C11orf65: variants seen among roughly 807,000 people sequenced by gnomAD.
C11orf65 encodes the protein chromosome 11 open reading frame 65.
C11orf65 carries 38 observed loss-of-function variants against 35.3 expected under a neutral mutation model. The observed-to-expected ratio is 1.08, with a 90% CI of 0.83 to 1.41. The LOEUF is 1.41. C11orf65 is among the 40% of genes most tolerant of loss of function. C11orf65 has a pLI of 0.00. For synonymous variants in C11orf65, 105 were observed against 114.4 expected, an observed-to-expected ratio of 0.92 and a Z score of 0.53; for missense variants, 370 against 367.1, an observed-to-expected ratio of 1.01 and a Z score of -0.06.
At chr11:108,451,687 T>C (rs1402217488) in intron 2 of C11orf65, among the ~76,000 whole-genome samples, 1 of 152,140 alleles carries the variant, frequency 6.6e-6, no homozygotes, top group African/African-American at 2.4e-5. Context: ...AAAAAGAGCC[T>C]GCATTGCCAA....
intron 3 of C11orf65, among the ~76,000 whole-genome samples, chr11:108,411,864 G>A (rs574973716): frequency 1.3e-5 from 2 of 150,448 alleles, no homozygotes; most frequent in African/African-American, 2.4e-5. Context: ...CTCAGCTCAC[G>A]CAACCTCCAC....
At chr11:108,345,665 A>C in intron 2 of C11orf65, 1 of 1,217,012 alleles carries the variant, frequency 8.2e-7, no homozygotes, top group Non-Finnish European at 1.1e-6. Flanking sequence ...TATCTGTCAT[A>C]TTTTTATATA....
At chr11:108,377,667 A>G (rs1315358183) in intron 2 of C11orf65, among the ~76,000 whole-genome samples, 1 of 151,368 alleles carries the variant, frequency 6.6e-6, no homozygotes, top group East Asian at 1.9e-4. Flanking sequence ...AGGGTATTCA[A>G]TTAGGAAAAG....
upstream of C11orf65, among the ~76,000 whole-genome samples, chr11:108,469,035 G>A (rs556488997): frequency 1.3e-5 from 2 of 152,030 alleles, no homozygotes; most frequent in East Asian, 3.9e-4. Flanking sequence ...TAGTAGAGAC[G>A]GGGTTTTACT....
At chr11:108,387,152 T>TTC (rs2092029271) in intron 7 of C11orf65, among the ~76,000 whole-genome samples, 1 of 129,248 alleles carries the variant, frequency 7.7e-6, no homozygotes, top group East Asian at 2.1e-4. Context: ...TTCTTTCTTT[T>TTC]TTTTTTTTTT....
At chr11:108,392,240 T>C (rs931388069) in intron 7 of C11orf65, among the ~76,000 whole-genome samples, 1 of 151,770 alleles carries the variant, frequency 6.6e-6, no homozygotes, top group Non-Finnish European at 1.5e-5. Context: ...AGAGATGGGG[T>C]CTCGCTATGT....
chr11:108,423,449 A>T (rs2092850773), intron 3 of C11orf65, among the ~76,000 whole-genome samples: 1 of 152,170 alleles, frequency 6.6e-6, no homozygotes, highest in South Asian at 2.1e-4. Context: ...CCCCTCACAG[A>T]GCACCTGGGG....
At chr11:108,468,317 C>G (rs17618313), upstream of C11orf65, among the ~76,000 whole-genome samples, 2 of 152,328 alleles carry the variant, frequency 1.3e-5, no homozygotes, top group East Asian at 3.9e-4. Context: ...CAGACGACCT[C>G]TTGAATGAGT....
chr11:108,369,221 A>G (rs1480666084), intron 2 of C11orf65: 3 of 154,128 alleles, frequency 1.9e-5, no homozygotes, highest in Non-Finnish European at 2.9e-5. Context: ...AAAGCTCCCA[A>G]TCTGAGGAGG....
intron 7 of C11orf65, among the ~76,000 whole-genome samples, chr11:108,392,335 C>A (rs1353752481): frequency 6.6e-6 from 1 of 152,138 alleles, no homozygotes; most frequent in African/African-American, 2.4e-5. Flanking sequence ...AGCCACCATG[C>A]CCAGCCCACT....
chr11:108,386,908 C>T (rs1433767009), intron 7 of C11orf65, among the ~76,000 whole-genome samples: 5 of 151,736 alleles, frequency 3.3e-5, no homozygotes, highest in Non-Finnish European at 4.4e-5. Context: ...GGTGAAACCC[C>T]ATCTCTACTA....
chr11:108,430,860 TAAAAC>T (rs998881180), intron 3 of C11orf65, among the ~76,000 whole-genome samples: 1 of 116,764 alleles, frequency 8.6e-6, no homozygotes, highest in African/African-American at 3.2e-5. Context: ...AATAAATAAA[TAAAAC>T]AAAAAAAAAC....
intron 2 of C11orf65, among the ~76,000 whole-genome samples, chr11:108,339,916 A>G (rs1361474818): frequency 2.0e-5 from 3 of 152,176 alleles, no homozygotes; most frequent in African/African-American, 4.8e-5. Flanking sequence ...GGGAAATCAG[A>G]AAGGCCATGA....
intron 2 of C11orf65, among the ~76,000 whole-genome samples, chr11:108,460,612 T>C (rs1016362700): frequency 1.3e-5 from 2 of 152,230 alleles, no homozygotes; most frequent in Non-Finnish European, 2.9e-5. Flanking sequence ...ATCTTATTAA[T>C]GATACTTTCA....
chr11:108,368,803 G>A (rs956622250), intron 2 of C11orf65: 1 of 206,892 alleles, frequency 4.8e-6, no homozygotes, highest in Non-Finnish European at 9.9e-6. Flanking sequence ...CAAACTCTTG[G>A]TCATTATAGT....
At chr11:108,351,253 T>C (rs2089167868) in intron 2 of C11orf65, among the ~76,000 whole-genome samples, 1 of 152,162 alleles carries the variant, frequency 6.6e-6, no homozygotes, top group Non-Finnish European at 1.5e-5. Context: ...AAAGAGGTGA[T>C]TAGTGACTGG....
At chr11:108,363,602 A>G (rs1052310676) in intron 2 of C11orf65, among the ~76,000 whole-genome samples, 1 of 152,122 alleles carries the variant, frequency 6.6e-6, no homozygotes, top group African/African-American at 2.4e-5. Flanking sequence ...GCTGCTGAAC[A>G]CCTCAGAATG....
chr11:108,459,353 C>T (rs1452096473), intron 2 of C11orf65, among the ~76,000 whole-genome samples: 1 of 152,184 alleles, frequency 6.6e-6, no homozygotes, highest in African/African-American at 2.4e-5. Flanking sequence ...TAAACATCCA[C>T]CTACCTGCAG....
chr11:108,411,865 C>T (rs1377614781), intron 3 of C11orf65, among the ~76,000 whole-genome samples: 7 of 151,660 alleles, frequency 4.6e-5, no homozygotes, highest in Non-Finnish European at 2.9e-5. Flanking sequence ...TCAGCTCACG[C>T]AACCTCCACC....
Sources: allele counts gnomAD v4.1 joint callset (sites outside exome capture counted in the v4.1 genomes callset), GRCh38; gene constraint gnomAD v4.1.1; transcripts MANE v1.5; gene names NCBI Gene and HGNC (gene_info 2026-07-23, HGNC 2026-07-21).